The following NLGN1 variants were observed in gnomAD, a reference collection of about 807,000 sequenced individuals.
NLGN1 encodes the protein neuroligin-1.
NLGN1 carries 12 observed loss-of-function variants against 65.5 expected under a neutral mutation model. That is an observed-to-expected ratio of 0.18 (90% CI 0.12 to 0.30). The LOEUF (loss-of-function observed/expected upper bound fraction) is 0.30, where lower values mean the gene tolerates loss of function less well. NLGN1 is among the 10% of genes least tolerant of loss of function. NLGN1 has a pLI of 1.00. For missense variants in NLGN1, 750 were observed against 1,007.1 expected, an observed-to-expected ratio of 0.74 and a Z score of 3.46; for synonymous variants, 350 against 359.5, an observed-to-expected ratio of 0.97 and a Z score of 0.30.
intron 3 of NLGN1, among the ~76,000 whole-genome samples, chr3:173,728,313 A>G (rs1163840863): frequency 6.6e-6 from 1 of 152,136 alleles, no homozygotes; most frequent in Non-Finnish European, 1.5e-5. Context: ...AAGATATCTT[A>G]CAGGCAAATT....
chr3:173,659,203 A>G (rs1467750821), intron 3 of NLGN1, among the ~76,000 whole-genome samples: 1 of 152,034 alleles, frequency 6.6e-6, no homozygotes, highest in Non-Finnish European at 1.5e-5. Flanking sequence ...ACCTAAATGT[A>G]GAAGAATTTT....
intron 4 of NLGN1, among the ~76,000 whole-genome samples, chr3:174,121,911 C>T (rs1254698105): frequency 1.3e-5 from 2 of 152,158 alleles, no homozygotes; most frequent in African/African-American, 4.8e-5. Context: ...AAACTGAACT[C>T]ACTATTCTTG....
At chr3:173,443,743 A>G (rs951558236) in intron 2 of NLGN1, among the ~76,000 whole-genome samples, 3 of 152,208 alleles carry the variant, frequency 2.0e-5, no homozygotes, top group African/African-American at 7.2e-5. Flanking sequence ...GTGTTTTCTT[A>G]GTAGAAAGAC....
At chr3:173,423,829 C>T (rs551036005) in intron 1 of NLGN1, among the ~76,000 whole-genome samples, 1 of 152,316 alleles carries the variant, frequency 6.6e-6, no homozygotes, top group East Asian at 1.9e-4. Flanking sequence ...GCCCTCTTCT[C>T]ACAGCTCCAC....
At chr3:174,044,006 C>T (rs1238828840) in intron 4 of NLGN1, among the ~76,000 whole-genome samples, 1 of 152,234 alleles carries the variant, frequency 6.6e-6, no homozygotes, top group Admixed American at 6.5e-5. Flanking sequence ...CACTTCTGCA[C>T]ACCTGCAAAC....
chr3:173,457,258 A>G (rs1722655318), intron 2 of NLGN1, among the ~76,000 whole-genome samples: 1 of 152,088 alleles, frequency 6.6e-6, no homozygotes, highest in Non-Finnish European at 1.5e-5. Flanking sequence ...AAGTCAGGCC[A>G]TTCCAGAATT....
At position 173,888,642 on chromosome 3, in the gene NLGN1, A is replaced by G. The variant is rs554128721; in HGVS notation, c.646+80810A>G. ...ATTAATACATGCTAATTTTTTGAAT[A>G]TATAATAAACTTATGACATTTTATT... On this transcript the variant is annotated intron_variant, in intron 4 of 6. Coordinates refer to ENST00000457714, the Ensembl canonical transcript of NLGN1. 8.5e-5 allele frequency among the ~76,000 whole-genome samples: 13 copies of G among 152,234 alleles called. No individual in the cohort carries two copies. In the South Asian group the frequency reaches 2.7e-3, roughly 32 times the overall value.
chr3:174,020,536 A>G (rs903158288), intron 4 of NLGN1, among the ~76,000 whole-genome samples: 47 of 152,096 alleles, frequency 3.1e-4, no homozygotes, highest in African/African-American at 1.0e-3. Context: ...TACTCTCCTT[A>G]AAAAGATGTA....
At chr3:173,703,471 T>C (rs1445274465) in intron 3 of NLGN1, among the ~76,000 whole-genome samples, 1 of 150,434 alleles carries the variant, frequency 6.6e-6, no homozygotes, top group African/African-American at 2.5e-5. Flanking sequence ...TATTTTAACT[T>C]CTTCTTAAAA....
intron 4 of NLGN1, among the ~76,000 whole-genome samples, chr3:174,173,250 G>A (rs974320900): frequency 6.6e-6 from 1 of 151,992 alleles, no homozygotes; most frequent in Non-Finnish European, 1.5e-5. Flanking sequence ...CATATCATCT[G>A]CAAACAAGAA....
chr3:174,289,971 A>G (rs1027372776), downstream of NLGN1, among the ~76,000 whole-genome samples: 268 of 112,908 alleles, frequency 2.4e-3, 2 homozygotes, highest in Admixed American at 4.5e-3. Context: ...ATATATATGT[A>G]TATATATATA....
At chr3:173,648,243 A>G (rs1758583246) in intron 3 of NLGN1, among the ~76,000 whole-genome samples, 1 of 152,244 alleles carries the variant, frequency 6.6e-6, no homozygotes, top group South Asian at 2.1e-4. Context: ...ATATTTTCAA[A>G]TAATATATCT....
At chr3:174,202,472 A>C (rs1734670273) in intron 4 of NLGN1, among the ~76,000 whole-genome samples, 1 of 152,046 alleles carries the variant, frequency 6.6e-6, no homozygotes, top group African/African-American at 2.4e-5. Flanking sequence ...AAAAAATAAA[A>C]CCCTGAAAAA....
chr3:173,616,659 CCTT>C (rs1039123106), intron 3 of NLGN1, among the ~76,000 whole-genome samples: 2 of 152,104 alleles, frequency 1.3e-5, no homozygotes, highest in African/African-American at 4.8e-5. Context: ...CAGACACCAT[CCTT>C]CTTCCCTGGT....
intron 4 of NLGN1, among the ~76,000 whole-genome samples, chr3:174,043,501 TAAAACAAAGGAGCTACAGGCCC>T (rs1732818688): frequency 6.6e-6 from 1 of 152,160 alleles, no homozygotes; most frequent in South Asian, 2.1e-4. Flanking sequence ...AGCAATTGGC[TAAAACAAAGGAGCTACAGGCCC>T]CATGCAAGCC....
intron 3 of NLGN1, among the ~76,000 whole-genome samples, chr3:173,672,274 G>C (rs1762549343): frequency 6.6e-6 from 1 of 152,186 alleles, no homozygotes; most frequent in South Asian, 2.1e-4. Flanking sequence ...AGTAACCTTT[G>C]GGATTTATGT....
intron 4 of NLGN1, among the ~76,000 whole-genome samples, chr3:174,241,581 G>T (rs2152831128): frequency 6.6e-6 from 1 of 150,502 alleles, no homozygotes; most frequent in East Asian, 1.9e-4. Context: ...TTATTCTCAA[G>T]GATATTACAA....
exon 7 of NLGN1, chr3:174,281,350 G>C: frequency 2.5e-6 from 3 of 1,187,274 alleles, no homozygotes; most frequent in Non-Finnish European, 3.6e-6. Context: ...TGCAGTAAAC[G>C]ATCACTGAAG....
intron 4 of NLGN1, among the ~76,000 whole-genome samples, chr3:173,952,444 T>C (rs1748393009): frequency 6.6e-6 from 1 of 152,192 alleles, no homozygotes; most frequent in Non-Finnish European, 1.5e-5. Context: ...TTTACTCTAG[T>C]GCTATCCTGG....
Sources: gnomAD v4.1 joint callset for allele counts (sites outside exome capture counted in the v4.1 genomes callset) on GRCh38, gnomAD v4.1.1 for gene constraint, MANE v1.5 for transcripts, NCBI Gene and HGNC (gene_info 2026-07-23, HGNC 2026-07-21) for gene names.